The following FNIP2 variants were observed in gnomAD, a reference collection of about 807,000 sequenced individuals.
FNIP2 encodes the protein folliculin-interacting protein 2.
A neutral mutation model predicts 108.7 loss-of-function variants in FNIP2; 32 were observed. The ratio of observed to expected loss-of-function variants is 0.29; its 90% confidence interval spans 0.22 to 0.40. FNIP2 has a LOEUF of 0.40. Ranked by LOEUF, FNIP2 falls within the 10% of genes least tolerant of loss-of-function variation. The pLI is 1.00. For missense variants in FNIP2, 1,202 were observed against 1,381.6 expected (o/e 0.87, Z 2.06); for synonymous variants, 480 against 496.7 (o/e 0.97, Z 0.45).
At position 158,868,365 on chromosome 4, in the gene FNIP2, G is replaced by A. The variant is rs775212582; in HGVS notation, c.1729G>A (p.Ala577Thr). The change falls in exon 13 of 17, where the codon GCT becomes ACT. Residue 577 changes from alanine (A) to threonine (T), a missense_variant. Ala to Thr is a moderately conservative substitution (Grantham distance 58, BLOSUM62 0). This residue lies in a region of FNIP2 where 878 missense variants were observed against 990.3 expected (regional missense o/e 0.89). Coordinates refer to ENST00000264433, the MANE Select transcript of FNIP2 (RefSeq NM_020840.3). The surrounding 1 kb of genome is among the most constrained non-coding windows in gnomAD (Gnocchi z 4.6). Reference protein sequence around the residue: ...YVVITVRNEPALVPPILPPTA... With the variant: ...YVVITVRNEPTLVPPILPPTA... ...GGTCATTACGGTGAGGAACGAGCCC[G>A]CTCTTGTACCCCCCATCCTACCACC... The A allele has an allele frequency of 3.0e-5, 48 of 1,613,868 alleles. No homozygotes were observed. The highest frequency in any genetic ancestry group is 4.5e-5 in the East Asian group (2 of 44,892).
intron 7 of FNIP2, among the ~76,000 whole-genome samples, chr4:158,841,843 T>C (rs1779151435): frequency 6.6e-6 from 1 of 152,258 alleles, no homozygotes; most frequent in Admixed American, 6.5e-5. Flanking sequence ...TCCCACAACT[T>C]GCCTTGTAGG....
Position 158,868,165 on chromosome 4 carries a change from A to C in FNIP2, c.1529A>C (p.Gln510Pro), listed in dbSNP as rs1780692056. 6.2e-7 allele frequency: 1 copy of C among 1,614,078 alleles called. No homozygotes were observed. Among genetic ancestry groups the C allele is most frequent in the African/African-American group, 1.3e-5 (1 of 75,074 alleles). The change falls in exon 13 of 17, where the codon CAG (glutamine) becomes CCG (proline). Residue 510 changes from glutamine to proline, a missense_variant. Coordinates refer to ENST00000264433, the MANE Select transcript of FNIP2 (RefSeq NM_020840.3). The surrounding 1 kb of genome is among the most constrained non-coding windows in gnomAD (Gnocchi z 4.6). ...ACTCGCACCGTAGTGGTAGGGAAGC[A>C]GAAGGACTTAGTCCAGCGAATACTT... Reference protein sequence around the residue: ...RLTRTVVVGKQKDLVQRILYV... With the variant: ...RLTRTVVVGKPKDLVQRILYV...
Position 158,875,515 on chromosome 4 carries a change from G to GATATATATATATATATATATATAT in FNIP2, c.2949+5049_2949+5072dup, listed in dbSNP as rs56389652. Among the ~76,000 whole-genome samples the GATATATATATATATATATATATAT allele has an allele frequency of 9.2e-3, 1,032 of 111,616 alleles. 37 individuals carry two copies. The highest frequency in any genetic ancestry group is 0.011 in the Non-Finnish European group (677 of 60,210). 73.2% of individuals were successfully genotyped at this position (111,616 alleles called of 152,430 possible). ...AGAGCTTTGCTAAAAGCCTGGCTGT[G>GATATATATATATATATATATATAT]ATATATATATATATATATATATATA... On this transcript the variant is annotated intron_variant, in intron 14 of 16. Coordinates refer to ENST00000264433, the MANE Select transcript of FNIP2 (RefSeq NM_020840.3).
intron 14 of FNIP2, among the ~76,000 whole-genome samples, chr4:158,881,787 A>G (rs1781653702): frequency 6.6e-6 from 1 of 152,084 alleles, no homozygotes; most frequent in African/African-American, 2.4e-5. Flanking sequence ...CAGTGGCGTG[A>G]TCTCGGCTCG....
At chr4:158,854,257 G>C (rs564348480) in intron 8 of FNIP2, among the ~76,000 whole-genome samples, 4 of 152,304 alleles carry the variant, frequency 2.6e-5, no homozygotes, top group Non-Finnish European at 4.4e-5. Context: ...AGACTCTATA[G>C]GGACAGGCTC....
chr4:158,844,942 G>T (rs935869787), intron 7 of FNIP2, among the ~76,000 whole-genome samples: 4 of 152,208 alleles, frequency 2.6e-5, no homozygotes, highest in African/African-American at 9.6e-5. Context: ...GGTATAAATG[G>T]ATGCTAGTTG....
At chr4:158,863,013 AACG>A (rs1780381714) in intron 12 of FNIP2, among the ~76,000 whole-genome samples, 1 of 152,232 alleles carries the variant, frequency 6.6e-6, no homozygotes, top group Non-Finnish European at 1.5e-5. Flanking sequence ...TCAGCATAAT[AACG>A]AAGAGTTTTT....
chr4:158,882,344 C>T (rs1258077884), intron 14 of FNIP2, among the ~76,000 whole-genome samples: 1 of 151,390 alleles, frequency 6.6e-6, no homozygotes, highest in East Asian at 2.0e-4. Context: ...GAGGGGCAGC[C>T]CCCGTCCGGC....
chr4:158,781,983 A>G (rs1393990095), intron 1 of FNIP2, among the ~76,000 whole-genome samples: 37 of 152,030 alleles, frequency 2.4e-4, no homozygotes, highest in Admixed American at 2.4e-3. Context: ...TATCAATCCT[A>G]CTACACAGTG....
At chr4:158,803,071 T>C (rs1285448502) in intron 1 of FNIP2, among the ~76,000 whole-genome samples, 1 of 152,210 alleles carries the variant, frequency 6.6e-6, no homozygotes, top group Non-Finnish European at 1.5e-5. Flanking sequence ...ATCAGTTTTG[T>C]GAAAGTAGCA....
intron 14 of FNIP2, among the ~76,000 whole-genome samples, chr4:158,880,203 T>A (rs1781507743): frequency 6.6e-6 from 1 of 151,658 alleles, no homozygotes; most frequent in African/African-American, 2.4e-5. Context: ...CAAATGCCCA[T>A]CAATAATAGA....
chr4:158,877,951 C>A (rs929836931), intron 14 of FNIP2, among the ~76,000 whole-genome samples: 2 of 151,806 alleles, frequency 1.3e-5, no homozygotes, highest in Non-Finnish European at 2.9e-5. Flanking sequence ...TCCCCCACCC[C>A]CCCTCACCCA....
intron 8 of FNIP2, 91 bp downstream of exon 8, chr4:158,851,541 G>A: frequency 2.7e-6 from 4 of 1,504,660 alleles, no homozygotes; most frequent in Non-Finnish European, 2.7e-6. Flanking sequence ...TATTGTCAGT[G>A]GAAAAAAAAC....
intron 1 of FNIP2, among the ~76,000 whole-genome samples, chr4:158,780,577 T>C (rs547792926): frequency 6.6e-6 from 1 of 152,338 alleles, no homozygotes; most frequent in South Asian, 2.1e-4. Context: ...GATGAACACT[T>C]GAGGCTTGCC....
rs70962634 is a variant in FNIP2 at position 158,822,174 on chromosome 4, CTTTTTTTTTTT to C, written c.108-3731_108-3721del. 1.5e-3 allele frequency among the ~76,000 whole-genome samples: 183 copies of C among 118,192 alleles called. 2 individuals are homozygous for C. Among genetic ancestry groups the C allele is most frequent in the African/African-American group, 5.5e-3 (177 of 32,312 alleles). The allele number at this position is 118,192 out of a possible 152,430, so 77.5% of individuals were successfully genotyped here. A position where few individuals can be genotyped will look rare whatever the true frequency, so the allele number is the denominator to read the frequency against. On this transcript the variant is annotated intron_variant, in intron 1 of 16. Coordinates refer to ENST00000264433, the MANE Select transcript of FNIP2 (RefSeq NM_020840.3). ...TATGTAAGAAGAATAGAGTTTTCCT[CTTTTTTTTTTT>C]TTTTTTTTTTGAGATAGAGTCTCCC...
chr4:158,882,903 G>C (rs1781767344), intron 14 of FNIP2, among the ~76,000 whole-genome samples: 1 of 151,716 alleles, frequency 6.6e-6, no homozygotes, highest in South Asian at 2.1e-4. Flanking sequence ...AGAGACCTTT[G>C]TTCACTTGTT....
chr4:158,790,465 T>C (rs1776374795), intron 1 of FNIP2, among the ~76,000 whole-genome samples: 1 of 152,006 alleles, frequency 6.6e-6, no homozygotes, highest in Non-Finnish European at 1.5e-5. Context: ...ACAGAAGTGC[T>C]CAGTAGGCTG....
At chr4:158,794,544 G>T (rs544038896) in intron 1 of FNIP2, 20 of 152,348 alleles carry the variant, frequency 1.3e-4, no homozygotes, top group African/African-American at 4.6e-4. Context: ...GTGAACGTGT[G>T]CCATGGTGGT....
At chr4:158,865,024 C>T (rs1442035363) in intron 12 of FNIP2, among the ~76,000 whole-genome samples, 2 of 152,132 alleles carry the variant, frequency 1.3e-5, no homozygotes, top group Non-Finnish European at 2.9e-5. Flanking sequence ...TCCTCCTTTC[C>T]TGTGACCTCT....
Sources: gnomAD v4.1 joint callset for allele counts (sites outside exome capture counted in the v4.1 genomes callset) on GRCh38, gnomAD v4.1.1 for gene constraint, gnomAD v4.1.1 regional missense constraint, Gnocchi (gnomAD v3.1) non-coding constraint, MANE v1.5 for transcripts, NCBI Gene and HGNC (gene_info 2026-07-23, HGNC 2026-07-21) for gene names.